CDK8: variants seen among roughly 807,000 people sequenced by gnomAD.
CDK8 encodes cyclin-dependent kinase 8.
In CDK8, 29 loss-of-function variants were observed where a neutral mutation model predicts 71.5. That is an observed-to-expected ratio of 0.41 (90% CI 0.30 to 0.55). CDK8 has a LOEUF of 0.55. Among genes scored for constraint, CDK8 ranks in the 20% least tolerant of loss-of-function variants. The probability of loss-of-function intolerance (pLI) is 0.37; values close to 1 mark genes in which losing one functional copy is unlikely to be tolerated. For synonymous variants in CDK8, 161 were observed against 192.1 expected (o/e 0.84, Z 1.34); for missense variants, 288 against 572.6 (o/e 0.50, Z 5.07).
intron 1 of CDK8, among the ~76,000 whole-genome samples, chr13:26,264,737 AC>A (rs1871947143): frequency 6.6e-6 from 1 of 151,070 alleles, no homozygotes; most frequent in Non-Finnish European, 1.5e-5. Flanking sequence ...CTCCCCACTC[AC>A]CCTTCCTAGT....
rs760997735 is a variant in CDK8, at chr13:26,404,051, A to G, written c.1365A>G (p.Pro455=). 1 of 1,613,910 alleles carries G rather than the reference A, an allele frequency of 6.2e-7. No individual in the cohort carries two copies. Among genetic ancestry groups the G allele is most frequent in the Non-Finnish European group, 8.5e-7 (1 of 1,179,992 alleles). The change falls in exon 13 of 13, where the codon CCA becomes CCG. Residue 455 remains proline, a synonymous_variant. Transcript: ENST00000381527. ...MGYSATSQQP[P]QYSHQTHRY is the part of the protein sequence containing the mutation. ...ACTCAGCTACCTCCCAGCAGCCTCC[A>G]CAGTACTCACATCAGACACATCGGT...
intron 1 of CDK8, among the ~76,000 whole-genome samples, chr13:26,305,682 A>G (rs1197321475): frequency 6.6e-6 from 1 of 152,050 alleles, no homozygotes; most frequent in Non-Finnish European, 1.5e-5. Context: ...TTCCTCTAGT[A>G]TCTCTTCCAG....
chr13:26,291,595 T>G (rs889168876), intron 1 of CDK8, among the ~76,000 whole-genome samples: 4 of 152,184 alleles, frequency 2.6e-5, no homozygotes, highest in African/African-American at 9.7e-5. Context: ...TACCTCATGA[T>G]TTTTGATTAC....
intron 1 of CDK8, among the ~76,000 whole-genome samples, chr13:26,326,605 C>T (rs896140788): frequency 2.6e-5 from 4 of 152,162 alleles, no homozygotes; most frequent in Non-Finnish European, 4.4e-5. Context: ...CTAAGATCAT[C>T]TTCTTCTGGA....
chr13:26,398,174 TA>T (rs1164849594), intron 9 of CDK8, among the ~76,000 whole-genome samples: 1 of 152,210 alleles, frequency 6.6e-6, no homozygotes, highest in Non-Finnish European at 1.5e-5. Context: ...AACAGCAATT[TA>T]AAAAGTCATT....
intron 4 of CDK8, among the ~76,000 whole-genome samples, chr13:26,379,688 T>C (rs1400800778): frequency 6.6e-6 from 1 of 152,188 alleles, no homozygotes; most frequent in African/African-American, 2.4e-5. Context: ...TGTGCATGTA[T>C]TCGTTGTGCT....
At chr13:26,395,551 T>C (rs1875952182) in intron 7 of CDK8, among the ~76,000 whole-genome samples, 2 of 151,586 alleles carry the variant, frequency 1.3e-5, no homozygotes, top group African/African-American at 4.9e-5. Context: ...TTGCACCTAG[T>C]AGACTCTCAG....
In CDK8 at chr13:26,287,332, G is replaced by A. The variant is rs1217532376; in HGVS notation, c.128+32563G>A. ...CGCCCAGGCTGGAGTGCAGTGGTGCGATCTCGGCTCACTGCAACCTCCAAC... is the reference window on the plus strand; with the variant it reads ...CGCCCAGGCTGGAGTGCAGTGGTGCAATCTCGGCTCACTGCAACCTCCAAC... On this transcript the variant is annotated intron_variant, in intron 1 of 12. Coordinates refer to ENST00000381527, the MANE Select transcript of CDK8 (RefSeq NM_001260.3). 2.6e-5 allele frequency among the ~76,000 whole-genome samples: 4 copies of A among 152,076 alleles called. No individual in the cohort carries two copies. In the East Asian group the frequency reaches 5.8e-4, roughly 22 times the overall value.
At chr13:26,375,620 T>C (rs1241518262) in intron 4 of CDK8, among the ~76,000 whole-genome samples, 2 of 152,216 alleles carry the variant, frequency 1.3e-5, no homozygotes, top group South Asian at 2.1e-4. Context: ...ACAAAGTTCA[T>C]TGCAGCATTG....
rs560710968 is a variant in CDK8 at position 26,388,485 on chromosome 13, G to A, written c.646+3143G>A. ...CCACTCAGAAAATGAATGTTTAAAA[G>A]CAGTGTTACTTTTGGTAAAGCATAT... On this transcript the variant is annotated intron_variant, in intron 6 of 12. Transcript: ENST00000381527. 9.9e-5 allele frequency among the ~76,000 whole-genome samples: 15 copies of A among 152,216 alleles called. 1 individual carries two copies. The South Asian group carries it at 3.1e-3, about 32-fold the overall frequency.
intron 5 of CDK8, 73 bp from the exon 6 acceptor site, chr13:26,385,138 G>A (rs1377059181): frequency 8.1e-6 from 10 of 1,230,126 alleles, no homozygotes; most frequent in Non-Finnish European, 1.1e-5. Flanking sequence ...TGAATAAGAT[G>A]GTAAATTAGA....
At chr13:26,293,745 A>G (rs899322817) in intron 1 of CDK8, among the ~76,000 whole-genome samples, 2 of 152,190 alleles carry the variant, frequency 1.3e-5, no homozygotes, top group African/African-American at 4.8e-5. Flanking sequence ...TGAAATATGT[A>G]TACATTATGG....
At chr13:26,368,172 T>C (rs1874479682) in intron 4 of CDK8, among the ~76,000 whole-genome samples, 1 of 152,200 alleles carries the variant, frequency 6.6e-6, no homozygotes, top group Admixed American at 6.5e-5. Flanking sequence ...GTCGAATTTT[T>C]CGGACTCCAA....
chr13:26,379,261 G>A (rs1875101477), intron 4 of CDK8, among the ~76,000 whole-genome samples: 1 of 152,198 alleles, frequency 6.6e-6, no homozygotes, highest in South Asian at 2.1e-4. Context: ...AAGAGAGAGT[G>A]TTGGGATAAA....
At chr13:26,385,741 TA>T (rs1355346871) in intron 6 of CDK8, among the ~76,000 whole-genome samples, 1 of 151,890 alleles carries the variant, frequency 6.6e-6, no homozygotes. Flanking sequence ...TCTCAAAAAA[TA>T]TAAATAAATA....
At chr13:26,355,491 T>A (rs1034015130) in intron 4 of CDK8, among the ~76,000 whole-genome samples, 1 of 152,128 alleles carries the variant, frequency 6.6e-6, no homozygotes, top group African/African-American at 2.4e-5. Context: ...GGTGGGCACC[T>A]GTAATCCCAG....
chr13:26,268,070 T>C (rs7322113), intron 1 of CDK8, among the ~76,000 whole-genome samples: 16,446 of 152,136 alleles, frequency 0.11, 2,634 homozygotes, highest in African/African-American at 0.35. Flanking sequence ...TCTTTTGAGG[T>C]CTAATCTTTG....
In CDK8 at chr13:26,254,601, C is replaced by G. The variant is rs2137842271; in HGVS notation, c.-41C>G. Reference sequence around the variant, plus strand: ...TTCCCCGGTCCCCACCCCTGCCCCCCGGCCCCCCGACCCAGCTCTCCGGCC... The same window carrying G: ...TTCCCCGGTCCCCACCCCTGCCCCCGGGCCCCCCGACCCAGCTCTCCGGCC... On this transcript the variant is annotated 5_prime_UTR_variant, in exon 1 of 13. Coordinates refer to ENST00000381527, the MANE Select transcript of CDK8 (RefSeq NM_001260.3). The surrounding 1 kb of genome is among the most constrained non-coding windows in gnomAD (Gnocchi z 6.7). The G allele has an allele frequency of 7.3e-6, 11 of 1,501,834 alleles. No homozygotes were observed. The highest frequency in any genetic ancestry group is 2.8e-5 in the African/African-American group (2 of 71,942). The allele number at this position is 1,501,834 out of a possible 1,614,324, so 93.0% of individuals were successfully genotyped here.
intron 4 of CDK8, among the ~76,000 whole-genome samples, chr13:26,362,960 G>A (rs1390777153): frequency 2.0e-5 from 3 of 149,812 alleles, no homozygotes; most frequent in Admixed American, 6.7e-5. Context: ...GGCATATAAT[G>A]TTGAGTGAGA....
Sources: allele counts gnomAD v4.1 joint callset (sites outside exome capture counted in the v4.1 genomes callset), GRCh38; gene constraint gnomAD v4.1.1; non-coding constraint Gnocchi (gnomAD v3.1); transcripts MANE v1.5; gene names NCBI Gene and HGNC (gene_info 2026-07-23, HGNC 2026-07-21).